The following SGCZ variants were observed in gnomAD, a reference collection of about 807,000 sequenced individuals.
SGCZ encodes the protein zeta-sarcoglycan.
Under a neutral mutation model 41.3 loss-of-function variants are expected in SGCZ, and 40 were observed. The ratio of observed to expected loss-of-function variants is 0.97; its 90% CI spans 0.75 to 1.26. SGCZ has a LOEUF of 1.26. Among genes scored for constraint, SGCZ ranks in the 50% most tolerant of loss-of-function variants. The pLI is 0.00. For missense variants in SGCZ, 552 were observed against 369.8 expected, an observed-to-expected ratio of 1.49 and a Z score of -4.04; for synonymous variants, 206 against 137.5, an observed-to-expected ratio of 1.50 and a Z score of -3.49.
At chr8:15,177,679 T>C (rs1013269764) in intron 1 of SGCZ, among the ~76,000 whole-genome samples, 15 of 152,200 alleles carry the variant, frequency 9.9e-5, no homozygotes, top group South Asian at 2.1e-4. Flanking sequence ...GGGCAATCTG[T>C]AGTGATCTAA....
chr8:14,618,069 A>G (rs952650235), intron 1 of SGCZ, among the ~76,000 whole-genome samples: 1 of 147,744 alleles, frequency 6.8e-6, no homozygotes, highest in African/African-American at 2.5e-5. Context: ...AGCTAACTTC[A>G]TGCCTTTTCA....
intron 1 of SGCZ, among the ~76,000 whole-genome samples, chr8:14,975,464 T>C (rs191623389): frequency 3.3e-5 from 5 of 152,246 alleles, no homozygotes; most frequent in Admixed American, 2.0e-4. Context: ...CTGAAAGATA[T>C]GTAGGCTTCC....
intron 2 of SGCZ, among the ~76,000 whole-genome samples, chr8:14,402,738 G>A (rs1427869209): frequency 6.8e-6 from 1 of 147,080 alleles, no homozygotes; most frequent in African/African-American, 2.7e-5. Context: ...CTCCAGCTTT[G>A]TTCTTTTGGC....
intron 1 of SGCZ, among the ~76,000 whole-genome samples, chr8:14,683,598 T>A (rs989804959): frequency 6.6e-6 from 1 of 152,154 alleles, no homozygotes; most frequent in Non-Finnish European, 1.5e-5. Flanking sequence ...TGATCAAGAT[T>A]CTTATTTTCC....
At position 14,264,876 on chromosome 8, in the gene SGCZ, T is replaced by C. The variant is rs562884478; in HGVS notation, c.337-27197A>G. ...TACTCGGGAGGCTGAGGCAGGAGAA[T>C]GGCGTGAACCCGGGAGGCGGAGCTT... On this transcript the variant is annotated intron_variant, in intron 3 of 7. Transcript: ENST00000382080. 4.1e-4 allele frequency among the ~76,000 whole-genome samples: 63 copies of C among 152,150 alleles called. No individual in the cohort carries two copies. The Middle Eastern group carries it at 0.014, about 33-fold the overall frequency.
intron 2 of SGCZ, among the ~76,000 whole-genome samples, chr8:14,482,717 A>G (rs1264930400): frequency 1.3e-5 from 2 of 152,048 alleles, no homozygotes; most frequent in Non-Finnish European, 2.9e-5. Context: ...GGGATCATAC[A>G]ACCTGCTGAG....
At chr8:14,414,201 C>A (rs1210610869) in intron 2 of SGCZ, among the ~76,000 whole-genome samples, 3 of 151,954 alleles carry the variant, frequency 2.0e-5, no homozygotes, top group Non-Finnish European at 4.4e-5. Context: ...CGCACACACA[C>A]ACACATACAG....
chr8:14,961,480 G>A (rs968914856), intron 1 of SGCZ, among the ~76,000 whole-genome samples: 2 of 151,692 alleles, frequency 1.3e-5, no homozygotes, highest in African/African-American at 4.8e-5. Context: ...GGTATTTTGA[G>A]AGAGAGAGAG....
intron 2 of SGCZ, among the ~76,000 whole-genome samples, chr8:14,516,276 T>C (rs1042496081): frequency 1.8e-4 from 27 of 152,012 alleles, no homozygotes; most frequent in African/African-American, 6.5e-4. Flanking sequence ...TAGGTACTTT[T>C]TTTTTGCTCC....
intron 1 of SGCZ, among the ~76,000 whole-genome samples, chr8:14,939,054 C>T (rs1165322718): frequency 6.6e-6 from 1 of 152,126 alleles, no homozygotes; most frequent in Non-Finnish European, 1.5e-5. Flanking sequence ...GAGGCAGAGC[C>T]AGCACCTCAC....
At chr8:14,556,079 T>G (rs1298743215) in intron 1 of SGCZ, among the ~76,000 whole-genome samples, 1 of 151,904 alleles carries the variant, frequency 6.6e-6, no homozygotes, top group African/African-American at 2.4e-5. Flanking sequence ...TTTACTGTCT[T>G]ATACAACTTA....
chr8:14,214,351 A>T (rs956629372), intron 4 of SGCZ, among the ~76,000 whole-genome samples: 3 of 152,160 alleles, frequency 2.0e-5, no homozygotes, highest in African/African-American at 7.2e-5. Flanking sequence ...ATGTAGTGTG[A>T]TATCTTCCAT....
chr8:15,197,962 A>C (rs1466964689), intron 1 of SGCZ, among the ~76,000 whole-genome samples: 1 of 149,662 alleles, frequency 6.7e-6, no homozygotes, highest in Non-Finnish European at 1.5e-5. Flanking sequence ...CCATATTTAC[A>C]TTATATATAT....
chr8:14,217,167 G>A (rs1806025047), intron 4 of SGCZ, among the ~76,000 whole-genome samples: 2 of 151,842 alleles, frequency 1.3e-5, no homozygotes, highest in Non-Finnish European at 2.9e-5. Context: ...ATGGTGGCAG[G>A]CACCTGTAGT....
intron 4 of SGCZ, among the ~76,000 whole-genome samples, chr8:14,210,096 C>T (rs1585234704): frequency 3.3e-5 from 5 of 152,242 alleles, no homozygotes; most frequent in Admixed American, 1.3e-4. Context: ...CTCACTCTGT[C>T]GCCCAGACTG....
intron 4 of SGCZ, among the ~76,000 whole-genome samples, chr8:14,217,103 C>G (rs564406869): frequency 6.6e-6 from 1 of 152,160 alleles, no homozygotes; most frequent in African/African-American, 2.4e-5. Context: ...CTGCCTAACA[C>G]AGTTAAACCC....
At chr8:15,207,256 C>T (rs2054058) in intron 1 of SGCZ, among the ~76,000 whole-genome samples, 118,887 of 152,130 alleles carry the variant, frequency 0.78, 46,913 homozygotes, top group Non-Finnish European at 0.83. Flanking sequence ...AATTAGAAAA[C>T]TGGACCTTTG....
At chr8:14,449,242 A>C (rs549199256) in intron 2 of SGCZ, among the ~76,000 whole-genome samples, 1 of 152,328 alleles carries the variant, frequency 6.6e-6, no homozygotes, top group East Asian at 1.9e-4. Flanking sequence ...TAATGAACTT[A>C]CTTGTTCTAT....
chr8:14,500,415 T>C (rs1157491396), intron 2 of SGCZ, among the ~76,000 whole-genome samples: 1 of 146,770 alleles, frequency 6.8e-6, no homozygotes, highest in Non-Finnish European at 1.5e-5. Flanking sequence ...TTCACAAATC[T>C]AAACAAAAGT....
Sources: gnomAD v4.1 joint callset for allele counts (sites outside exome capture counted in the v4.1 genomes callset) on GRCh38, gnomAD v4.1.1 for gene constraint, MANE v1.5 for transcripts, NCBI Gene and HGNC (gene_info 2026-07-23, HGNC 2026-07-21) for gene names.